Variants in GALNT13 observed in about 807,000 individuals in gnomAD.
GALNT13 encodes the protein polypeptide N-acetylgalactosaminyltransferase 13.
In GALNT13, 28 loss-of-function variants were observed where a neutral mutation model predicts 64.2. That is an observed-to-expected ratio of 0.44 (90% CI 0.32 to 0.60). The LOEUF is 0.60. GALNT13 is among the 20% of genes least tolerant of loss of function. The pLI is 0.05. For missense variants in GALNT13, 577 were observed against 669.8 expected (o/e 0.86, Z 1.53); for synonymous variants, 214 against 224.6 (o/e 0.95, Z 0.42).
At chr2:153,371,691 G>A in the GALNT13 span, among the ~76,000 whole-genome samples, 1 of 152,120 alleles carries the variant, frequency 6.6e-6, no homozygotes, top group Non-Finnish European at 1.5e-5. Context: ...GGATTGGAAG[G>A]CTCAATAGAG....
At chr2:153,554,376 A>G in the GALNT13 span, among the ~76,000 whole-genome samples, 1 of 152,138 alleles carries the variant, frequency 6.6e-6, no homozygotes, top group South Asian at 2.1e-4. Context: ...GTTTTGTGAT[A>G]AAAGGAAACA....
At chr2:154,349,123 A>AGT (rs1400166525) in intron 9 of GALNT13, among the ~76,000 whole-genome samples, 1 of 152,214 alleles carries the variant, frequency 6.6e-6, no homozygotes, top group Non-Finnish European at 1.5e-5. Context: ...ATGTCTCCAC[A>AGT]AATGTCCACA....
the GALNT13 span, among the ~76,000 whole-genome samples, chr2:153,316,109 G>GA: frequency 9.4e-3 from 1,385 of 148,026 alleles, 7 homozygotes; most frequent in Non-Finnish European, 0.015. Context: ...CAAAAGGACT[G>GA]AAAAAAAAGA....
intron 4 of GALNT13, among the ~76,000 whole-genome samples, chr2:154,160,795 G>C (rs750581473): frequency 6.6e-5 from 10 of 152,166 alleles, no homozygotes; most frequent in Admixed American, 2.0e-4. Context: ...ATACCATCAT[G>C]TACCTAACGC....
chr2:153,175,091 CT>C, the GALNT13 span, among the ~76,000 whole-genome samples: 1 of 152,248 alleles, frequency 6.6e-6, no homozygotes, highest in Admixed American at 6.5e-5. Flanking sequence ...CATTCCCCTT[CT>C]GATATTTTCA....
chr2:153,871,015 G>A (rs940272076), upstream of GALNT13, among the ~76,000 whole-genome samples: 1 of 152,114 alleles, frequency 6.6e-6, no homozygotes, highest in Non-Finnish European at 1.5e-5. Context: ...CCATGGCAGT[G>A]GGGGACAGGT....
At chr2:154,018,354 A>G (rs149919819) in intron 3 of GALNT13, among the ~76,000 whole-genome samples, 1 of 152,196 alleles carries the variant, frequency 6.6e-6, no homozygotes, top group African/African-American at 2.4e-5. Flanking sequence ...AGCTACCTGG[A>G]CACAGTAATT....
chr2:153,639,366 A>G, the GALNT13 span, among the ~76,000 whole-genome samples: 1 of 152,176 alleles, frequency 6.6e-6, no homozygotes, highest in Admixed American at 6.6e-5. Context: ...ACAATAATTG[A>G]TAATGCCAAG....
the GALNT13 span, among the ~76,000 whole-genome samples, chr2:153,410,778 G>A: frequency 6.6e-6 from 1 of 151,938 alleles, no homozygotes; most frequent in Non-Finnish European, 1.5e-5. Flanking sequence ...GCCATATATA[G>A]TGTATTGATT....
the GALNT13 span, among the ~76,000 whole-genome samples, chr2:153,792,383 A>G: frequency 1.3e-5 from 2 of 152,162 alleles, no homozygotes; most frequent in Admixed American, 6.5e-5. Context: ...TCTAGAGGCT[A>G]TTTAAAGTAT....
chr2:154,090,324 A>T (rs1459011461), intron 3 of GALNT13, among the ~76,000 whole-genome samples: 1 of 152,110 alleles, frequency 6.6e-6, no homozygotes, highest in Non-Finnish European at 1.5e-5. Context: ...ATGTCAGCTC[A>T]ATTTCTATTT....
the GALNT13 span, among the ~76,000 whole-genome samples, chr2:153,345,225 C>T: frequency 1.3e-5 from 2 of 151,972 alleles, no homozygotes; most frequent in African/African-American, 4.8e-5. Flanking sequence ...TAGTTGATTC[C>T]ATCTTCTGAC....
At chr2:154,282,648 G>A (rs1403813475) in intron 8 of GALNT13, among the ~76,000 whole-genome samples, 2 of 139,808 alleles carry the variant, frequency 1.4e-5, no homozygotes, top group African/African-American at 5.0e-5. Flanking sequence ...AGAACAGAAT[G>A]CAGCTTTCCA....
chr2:153,739,182 C>A, the GALNT13 span, among the ~76,000 whole-genome samples: 2 of 151,840 alleles, frequency 1.3e-5, no homozygotes, highest in Non-Finnish European at 3.0e-5. Flanking sequence ...AATCTTAAAT[C>A]CATATTTGCA....
the GALNT13 span, among the ~76,000 whole-genome samples, chr2:153,315,306 T>G: frequency 6.6e-6 from 1 of 152,176 alleles, no homozygotes; most frequent in Non-Finnish European, 1.5e-5. Flanking sequence ...AAGGACCCAC[T>G]TTCTGGTTCA....
At chr2:153,298,101 A>G in the GALNT13 span, among the ~76,000 whole-genome samples, 1 of 152,220 alleles carries the variant, frequency 6.6e-6, no homozygotes, top group African/African-American at 2.4e-5. Flanking sequence ...TCTTTCTCCC[A>G]GGACCGAAAT....
chr2:153,770,548 G>A, the GALNT13 span, among the ~76,000 whole-genome samples: 7 of 152,194 alleles, frequency 4.6e-5, no homozygotes, highest in African/African-American at 1.7e-4. Context: ...GTTTCTCCTC[G>A]AGGCCAGTGG....
chr2:154,357,573 C>T (rs1463906031), intron 9 of GALNT13, among the ~76,000 whole-genome samples: 1 of 152,016 alleles, frequency 6.6e-6, no homozygotes, highest in Non-Finnish European at 1.5e-5. Flanking sequence ...TAGTGGATGA[C>T]AACGGCGAAA....
intron 4 of GALNT13, among the ~76,000 whole-genome samples, chr2:154,168,505 G>T (rs1237836809): frequency 2.0e-5 from 3 of 151,964 alleles, no homozygotes; most frequent in Admixed American, 2.0e-4. Flanking sequence ...CATTAGTGTT[G>T]CTACAAAGGA....
Sources: allele counts gnomAD v4.1 joint callset (sites outside exome capture counted in the v4.1 genomes callset), GRCh38; gene constraint gnomAD v4.1.1; transcripts MANE v1.5; gene names NCBI Gene and HGNC (gene_info 2026-07-23, HGNC 2026-07-21).